Variants in IGFN1 observed in about 807,000 individuals in gnomAD.
IGFN1 encodes immunoglobulin like and fibronectin type III domain containing 1.
IGFN1 carries 253 observed loss-of-function variants against 289.5 expected under a neutral mutation model. That is an observed-to-expected ratio of 0.87 (90% confidence interval 0.79 to 0.97). The LOEUF (loss-of-function observed/expected upper bound fraction) is 0.97, where lower values mean the gene tolerates loss of function less well. Among genes scored for constraint, IGFN1 ranks in the 50% least tolerant of loss-of-function variants. The probability of loss-of-function intolerance (pLI) is 0.00; values close to 1 mark genes in which losing one functional copy is unlikely to be tolerated. For missense variants in IGFN1, 4,470 were observed against 4,686.1 expected (o/e 0.95, Z 1.35); for synonymous variants, 1,706 against 1,788.5 (o/e 0.95, Z 1.16).
intron 5 of IGFN1, among the ~76,000 whole-genome samples, 185 bp downstream of exon 5, chr1:201,197,502 T>C (rs556880501): frequency 6.6e-6 from 1 of 152,362 alleles, no homozygotes; most frequent in African/African-American, 2.4e-5. Context: ...TGAGTCTGCA[T>C]GTGTTTAAAA....
rs116488874 is a variant in IGFN1, at chr1:201,201,847, G to C, written c.747+15G>C. 2,350 of 1,145,534 alleles carry C rather than the reference G, an allele frequency of 2.1e-3. 45 individuals carry two copies. In the African/African-American group the frequency reaches 0.032, roughly 16 times the overall value. 71.0% of individuals were successfully genotyped at this position (1,145,534 alleles called of 1,614,324 possible). A position where few individuals can be genotyped will look rare whatever the true frequency, so the allele number is the denominator to read the frequency against. ...ACCTGTATAAGGTGAGGCTGGAGGG[G>C]CTATGGGTGGGGGGGATCTGGCAGG... On this transcript the variant is annotated intron_variant, in intron 9 of 23. Coordinates refer to ENST00000335211, the MANE Select transcript of IGFN1 (RefSeq NM_001164586.2).
In IGFN1 at chr1:201,205,158, C is replaced by G; in HGVS notation, c.993C>G (p.Thr331=). The G allele has an allele frequency of 6.4e-7, 1 of 1,551,168 alleles. No individual in the cohort carries two copies. The highest frequency in any genetic ancestry group is 1.4e-5 in the African/African-American group (1 of 73,164). ...AGGGTGACGCAGTCTTTGAATGTAC[C>G]CTCTCCAGCCCCTGCCCTAGTGCAG... ...EEQGDAVFEC[T]LSSPCPSAAW... The change falls in exon 11 of 24, where the codon ACC becomes ACG. Residue 331 remains threonine, a synonymous_variant. Coordinates refer to ENST00000335211, the MANE Select transcript of IGFN1 (RefSeq NM_001164586.2).
chr1:201,208,327 C>T lies in IGFN1; in HGVS notation c.3434C>T (p.Ser1145Phe). Reference sequence around the variant, plus strand: ...GGAGAAGGAGGCTATGAAGATGGCTCTGGGGGTCCAGGAGCCATGGGACCA... The same window carrying T: ...GGAGAAGGAGGCTATGAAGATGGCTTTGGGGGTCCAGGAGCCATGGGACCA... ...AFGEGGYEDG[S>F]GGPGAMGPGS... The change falls in exon 12 of 24, where the codon TCT becomes TTT. Residue 1145 changes from serine (S) to phenylalanine (F), a missense_variant. Around this residue, in one of 8 missense-constraint regions of IGFN1, gnomAD observed 2,011 missense variants for 1,953.4 expected, o/e 1.03. Coordinates refer to ENST00000335211, the MANE Select transcript of IGFN1 (RefSeq NM_001164586.2). The T allele has an allele frequency of 1.3e-6, 2 of 1,502,974 alleles. No homozygotes were observed. The highest frequency in any genetic ancestry group is 2.6e-5 in the South Asian group (2 of 77,446). The allele number at this position is 1,502,974 out of a possible 1,614,324, so 93.1% of individuals were successfully genotyped here.
rs1384977459 is a variant in IGFN1, at chr1:201,208,041, C to A, written c.3148C>A (p.Pro1050Thr). Residue 1050 changes from proline (P) to threonine (T), a missense_variant, in exon 12 of 24, where the codon CCC becomes ACC. By Grantham distance (38) the Pro-to-Thr change is conservative. Coordinates refer to ENST00000335211, the MANE Select transcript of IGFN1 (RefSeq NM_001164586.2). ...KNGSGGPDGA[P>T]MNDTRNWASA... ...TGGCTCAGGTGGTCCTGATGGAGCA[C>A]CCATGAATGACACCAGGAATTGGGC... 1 of 1,536,774 alleles carries A rather than the reference C, an allele frequency of 6.5e-7. No homozygotes were observed. The highest frequency in any genetic ancestry group is 2.4e-5 in the East Asian group (1 of 40,884).
rs988862016 is a variant in IGFN1, at chr1:201,206,662, G to A, written c.1769G>A (p.Arg590Lys). The part of the protein sequence containing the change: ...HRGDSGRQLD[R>K]HAPEQLWDAR... ...GGGGACAGTGGAAGACAACTGGACA[G>A]GCATGCCCCAGAGCAACTGTGGGAT... The change falls in exon 12 of 24, where the codon AGG becomes AAG. Residue 590 changes from arginine to lysine, a missense_variant. Arg to Lys is a conservative substitution (Grantham distance 26). Coordinates refer to ENST00000335211, the MANE Select transcript of IGFN1 (RefSeq NM_001164586.2). 8 of 1,537,460 alleles carry A rather than the reference G, an allele frequency of 5.2e-6. No homozygotes were observed. In the African/African-American group the frequency reaches 1.1e-4, roughly 21 times the overall value.
Position 201,212,480 on chromosome 1 carries a change from T to C in IGFN1, c.7587T>C (p.Asp2529=). The change falls in exon 12 of 24, where the codon GAT becomes GAC. Residue 2529 remains aspartate, a synonymous_variant. Transcript: ENST00000335211. ...AGIMGASGFL[D]GKGAVEGETW... is the part of the protein sequence containing the mutation. ...TAATGGGGGCTTCTGGGTTTCTTGA[T>C]GGCAAGGGGGCAGTGGAAGGTGAGA... The C allele has an allele frequency of 6.5e-7, 1 of 1,540,300 alleles. No homozygotes were observed. The highest frequency in any genetic ancestry group is 8.7e-7 in the Non-Finnish European group (1 of 1,146,788).
rs114553039 is a variant in IGFN1, at chr1:201,216,615, G to C, written c.9457G>C (p.Glu3153Gln). The C allele has an allele frequency of 6.2e-7, 1 of 1,613,756 alleles. No individual in the cohort carries two copies. The highest frequency in any genetic ancestry group is 1.3e-5 in the African/African-American group (1 of 74,912). Residue 3153 changes from glutamate (E) to glutamine (Q), a missense_variant, in exon 16 of 24, where the codon GAG becomes CAG. Transcript: ENST00000335211. ...CAGGAGCACTTGGCTGAAGGTGGGC[G>C]AGGCCCCCGCTGACAGCACCACCTT... ...AGRSTWLKVG[E>Q]APADSTTFTD...
Position 201,225,854 on chromosome 1 carries a change from T to G in IGFN1, c.10517T>G (p.Leu3506Arg), listed in dbSNP as rs1380704789. The change falls in exon 22 of 24, where the codon CTG (leucine) becomes CGG (arginine). Residue 3506 changes from leucine to arginine, a missense_variant. Physicochemically the swap from Leu to Arg is moderately radical, Grantham distance 102. Coordinates refer to ENST00000335211, the MANE Select transcript of IGFN1 (RefSeq NM_001164586.2). ...CCGCAGGCCCCTGGGCCCATCCACC[T>G]GCAGGAGAACGTGCCTGGGACGGTG... ...ACPQAPGPIH[L>R]QENVPGTVTA... The G allele has an allele frequency of 6.2e-7, 1 of 1,613,002 alleles. No individual in the cohort carries two copies. The highest frequency in any genetic ancestry group is 8.5e-7 in the Non-Finnish European group (1 of 1,179,812).
chr1:201,195,707 C>A, intron 3 of IGFN1, 132 bp from the exon 4 acceptor site: 1 of 974,168 alleles, frequency 1.0e-6, no homozygotes, highest in Non-Finnish European at 1.5e-6. Context: ...GGGACCAAGG[C>A]CTGGCATCCT....
rs1304118858 is a variant in IGFN1 at position 201,215,129 on chromosome 1, G to C, written c.8970G>C (p.Gln2990His). 1 of 1,613,552 alleles carries C rather than the reference G, an allele frequency of 6.2e-7. No individual in the cohort carries two copies. Among genetic ancestry groups the C allele is most frequent in the Non-Finnish European group, 8.5e-7 (1 of 1,180,008 alleles). ...GRYTFVAGDQQSEATLTVQDS... is the reference protein window; with the variant it reads ...GRYTFVAGDQHSEATLTVQDS... ...ACACCTTTGTAGCTGGTGACCAGCA[G>C]AGCGAGGCCACCCTGACCGTCCAGG... Residue 2990 changes from glutamine (Q) to histidine (H), a missense_variant, in exon 14 of 24, where the codon CAG becomes CAC. This residue lies in a region of IGFN1 where 2,218 missense variants were observed against 2,114.1 expected (regional missense o/e 1.05). Coordinates refer to ENST00000335211, the MANE Select transcript of IGFN1 (RefSeq NM_001164586.2).
At chr1:201,214,375 G>A in intron 13 of IGFN1, 74 bp downstream of exon 13, 3 of 1,450,838 alleles carry the variant, frequency 2.1e-6, no homozygotes, top group South Asian at 2.9e-5. Context: ...CAAGAGCGTA[G>A]AGGCTTTGAA....
chr1:201,195,411 C>A (rs1454900656), intron 3 of IGFN1, among the ~76,000 whole-genome samples: 1 of 152,172 alleles, frequency 6.6e-6, no homozygotes, highest in African/African-American at 2.4e-5. Flanking sequence ...CTTGGCCTCC[C>A]AAAGTGCTGG....
rs1653374406 is a variant in IGFN1, at chr1:201,217,301, C to T, written c.9610C>T (p.Pro3204Ser). The change falls in exon 17 of 24, where the codon CCT becomes TCT. Residue 3204 changes from proline (P) to serine (S), a missense_variant. By Grantham distance (74) the Pro-to-Ser change is moderately conservative. Coordinates refer to ENST00000335211, the MANE Select transcript of IGFN1 (RefSeq NM_001164586.2). The part of the protein sequence containing the change: ...LVAPEALPKA[P>S]SAPAILSASS... ...CTTACCCCCAGCTCTCCCCAAGGCC[C>T]CTTCCGCGCCAGCCATCCTGTCGGC... is the stretch of plus-strand genomic sequence containing the variant. 3 of 1,613,810 alleles carry T rather than the reference C, an allele frequency of 1.9e-6. No individual in the cohort carries two copies. Among genetic ancestry groups the T allele is most frequent in the Middle Eastern group, 1.7e-4 (1 of 5,974 alleles).
rs535824348 is a variant in IGFN1, at chr1:201,195,959, G to A, written c.248G>A (p.Ser83Asn). 5 of 1,551,896 alleles carry A rather than the reference G, an allele frequency of 3.2e-6. No homozygotes were observed. In the Admixed American group the frequency reaches 7.8e-5, roughly 24 times the overall value. ...TACAAGATCTCCTCCAGCCCTGGCA[G>A]CAAGGAGCACGTGCTGCAGGTAAGA... is the stretch of plus-strand genomic sequence containing the variant. ...SKYKISSSPGSKEHVLQINKL... is the reference protein window; with the variant it reads ...SKYKISSSPGNKEHVLQINKL... The change falls in exon 4 of 24, where the codon AGC (serine) becomes AAC (asparagine). Residue 83 changes from serine to asparagine, a missense_variant. Around this residue, in one of 8 missense-constraint regions of IGFN1, gnomAD observed 2,011 missense variants for 1,953.4 expected, o/e 1.03. Coordinates refer to ENST00000335211, the MANE Select transcript of IGFN1 (RefSeq NM_001164586.2).
At position 201,205,327 on chromosome 1, in the gene IGFN1, A is replaced by G; in HGVS notation, c.1162A>G (p.Thr388Ala). 6.5e-7 allele frequency: 1 copy of G among 1,543,414 alleles called. No homozygotes were observed. Among genetic ancestry groups the G allele is most frequent in the Middle Eastern group, 1.7e-4 (1 of 5,964 alleles). The change falls in exon 11 of 24, where the codon ACT becomes GCT. Residue 388 changes from threonine to alanine, a missense_variant. Coordinates refer to ENST00000335211, the MANE Select transcript of IGFN1 (RefSeq NM_001164586.2). ...GPYSLGTGLY[T>A]SSAWLVVEAG... ...CTATTCGCTGGGCACCGGGCTCTAC[A>G]CTTCCAGCGCCTGGCTGGTGGTTGA... is the stretch of plus-strand genomic sequence containing the variant.
chr1:201,198,323 A>ACAGGGTTTCACCACGTTGGC (rs1666999740), intron 5 of IGFN1, among the ~76,000 whole-genome samples: 1 of 152,168 alleles, frequency 6.6e-6, no homozygotes, highest in Non-Finnish European at 1.5e-5. Context: ...TTTAGTTGAG[A>ACAGGGTTTCACCACGTTGGC]CAGGGTTTCA....
intron 4 of IGFN1, 40 bp downstream of exon 4, chr1:201,196,018 T>C (rs1666902704): frequency 1.9e-6 from 3 of 1,542,246 alleles, no homozygotes. Flanking sequence ...GGTCTACTCG[T>C]CTTTTCCCAT....
Position 201,211,062 on chromosome 1 carries a change from G to A in IGFN1, c.6169G>A (p.Gly2057Arg), listed in dbSNP as rs1178090456. 4 of 1,503,116 alleles carry A rather than the reference G, an allele frequency of 2.7e-6. No homozygotes were observed. Among genetic ancestry groups the A allele is most frequent in the African/African-American group, 1.4e-5 (1 of 70,740 alleles). The allele number at this position is 1,503,116 out of a possible 1,614,324, so 93.1% of individuals were successfully genotyped here. A position where few individuals can be genotyped will look rare whatever the true frequency, so the allele number is the denominator to read the frequency against. Residue 2057 changes from glycine to arginine, a missense_variant, in exon 12 of 24, where the codon GGG becomes AGG. Gly to Arg is a moderately radical substitution (Grantham distance 125, BLOSUM62 -2). Coordinates refer to ENST00000335211, the MANE Select transcript of IGFN1 (RefSeq NM_001164586.2). ...GSKAGFRDGL[G>R]SSVEMGSVNE... is the part of the protein sequence containing the mutation. The stretch of plus-strand genomic sequence containing the variant: ...TAAGGCAGGTTTTAGGGATGGTTTA[G>A]GGAGTTCTGTAGAAATGGGGTCAGT...
rs757407745 is a variant in IGFN1, at chr1:201,206,741, T to C, written c.1848T>C (p.Asp616=). 51 of 1,536,612 alleles carry C rather than the reference T, an allele frequency of 3.3e-5. No individual in the cohort carries two copies. Among genetic ancestry groups the C allele is most frequent in the Non-Finnish European group, 4.2e-5 (48 of 1,146,890 alleles). Residue 616 remains aspartate, a synonymous_variant, in exon 12 of 24, where the codon GAT becomes GAC. Coordinates refer to ENST00000335211, the MANE Select transcript of IGFN1 (RefSeq NM_001164586.2). ...GCGACCTGCAGGGATGCCAGTCTGA[T>C]CCTGTAGGGTCCTGGCCAAGAGGAA... ...GKSDLQGCQS[D]PVGSWPRGKQ... is the part of the protein sequence containing the mutation.
Sources: gnomAD v4.1 joint callset for allele counts (sites outside exome capture counted in the v4.1 genomes callset) on GRCh38, gnomAD v4.1.1 for gene constraint, gnomAD v4.1.1 regional missense constraint, MANE v1.5 for transcripts, NCBI Gene and HGNC (gene_info 2026-07-23, HGNC 2026-07-21) for gene names.